The following CSPP1 variants were observed in gnomAD, a reference collection of about 807,000 sequenced individuals.
CSPP1 encodes the protein centrosome and spindle pole-associated protein 1.
In CSPP1, 126 loss-of-function variants were observed where a neutral mutation model predicts 164.4. That is an observed-to-expected ratio of 0.77 (90% confidence interval 0.66 to 0.89). The LOEUF (loss-of-function observed/expected upper bound fraction) is 0.89. Ranked by LOEUF, CSPP1 falls within the 40% of genes least tolerant of loss-of-function variation. The pLI, the probability that CSPP1 is intolerant of heterozygous loss-of-function variation, is 0.00. For missense variants in CSPP1, 1,395 were observed against 1,449.8 expected (o/e 0.96, Z 0.61); for synonymous variants, 472 against 476.7 (o/e 0.99, Z 0.13).
intron 24 of CSPP1, 146 bp downstream of exon 24, chr8:67,164,654 G>A (rs1293599363): frequency 5.7e-6 from 3 of 521,954 alleles, no homozygotes; most frequent in East Asian, 5.6e-5. Context: ...TACAAAATCA[G>A]CTGTAGAAAT....
intron 25 of CSPP1, chr8:67,172,771 C>T: frequency 2.1e-6 from 1 of 468,408 alleles, no homozygotes; most frequent in South Asian, 3.7e-5. Context: ...TTTTGGAGAG[C>T]ATACAGTGTT....
Position 67,074,285 on chromosome 8 carries a change from G to A in CSPP1, c.33G>A (p.Glu11=), listed in dbSNP as rs1327593032. 4 of 1,610,820 alleles carry A rather than the reference G, an allele frequency of 2.5e-6. No individual in the cohort carries two copies. In the Admixed American group the frequency reaches 6.7e-5, roughly 27 times the overall value. Residue 11 remains glutamate, a synonymous_variant, in exon 2 of 31, where the codon GAG becomes GAA. Transcript: ENST00000678616. ...ATAATTTGGATGAATTTATTGAAGAGCAAAAAGCCAGATTGGCCGAAGACA... is the reference window on the plus strand; with the variant it reads ...ATAATTTGGATGAATTTATTGAAGAACAAAAAGCCAGATTGGCCGAAGACA... The part of the protein sequence containing the change: MADNLDEFIE[E]QKARLAEDKA...
chr8:67,113,873 C>A lies in CSPP1; in HGVS notation c.1245+11C>A. The A allele has an allele frequency of 6.5e-7, 1 of 1,534,470 alleles. No homozygotes were observed. Among genetic ancestry groups the A allele is most frequent in the Non-Finnish European group, 9.0e-7 (1 of 1,115,394 alleles). ...GACCCTGAGAAATCGGTAAGGGTTT[C>A]TGGCATCTTTTAATGTTTAATCTTT... On this transcript the variant is annotated intron_variant, in intron 11 of 30. Coordinates refer to ENST00000678616, the MANE Select transcript of CSPP1 (RefSeq NM_001382391.1).
intron 29 of CSPP1, among the ~76,000 whole-genome samples, chr8:67,191,572 G>C (rs1051545256): frequency 6.6e-6 from 1 of 152,156 alleles, no homozygotes; most frequent in African/African-American, 2.4e-5. Flanking sequence ...TTCTTTTGAA[G>C]GTCATTCATG....
chr8:67,145,848 T>C (rs1335927591), intron 17 of CSPP1, among the ~76,000 whole-genome samples: 1 of 152,088 alleles, frequency 6.6e-6, no homozygotes, highest in Non-Finnish European at 1.5e-5. Flanking sequence ...TTAATGTCGA[T>C]GCTTAGACTA....
chr8:67,154,951 A>T (rs1315549528), intron 19 of CSPP1, among the ~76,000 whole-genome samples: 3 of 152,256 alleles, frequency 2.0e-5, no homozygotes, highest in Non-Finnish European at 1.5e-5. Flanking sequence ...ATATTATTAC[A>T]GATTGTAAAT....
intron 3 of CSPP1, among the ~76,000 whole-genome samples, chr8:67,079,578 C>A (rs932476367): frequency 6.6e-6 from 1 of 152,130 alleles, no homozygotes; most frequent in Non-Finnish European, 1.5e-5. Context: ...TACAGTCTAG[C>A]CCCGTGTATC....
intron 24 of CSPP1, among the ~76,000 whole-genome samples, chr8:67,167,757 C>T (rs1221918734): frequency 6.6e-6 from 1 of 151,722 alleles, no homozygotes; most frequent in Non-Finnish European, 1.5e-5. Flanking sequence ...GGCAGAGACG[C>T]TCCTCACTTC....
At chr8:67,190,532 T>G (rs1385332315) in intron 28 of CSPP1, 118 bp from the exon 29 acceptor site, 1 of 716,424 alleles carries the variant, frequency 1.4e-6, no homozygotes. Flanking sequence ...TGTACATACA[T>G]TGAGTGTGTT....
At chr8:67,171,826 G>A (rs886166331) in intron 24 of CSPP1, among the ~76,000 whole-genome samples, 1 of 151,426 alleles carries the variant, frequency 6.6e-6, no homozygotes, top group Admixed American at 6.6e-5. Context: ...GGGATTACAG[G>A]TGTGAGCCAC....
intron 28 of CSPP1, among the ~76,000 whole-genome samples, chr8:67,182,366 GTT>G (rs1833272735): frequency 6.6e-6 from 1 of 151,606 alleles, no homozygotes; most frequent in Non-Finnish European, 1.5e-5. Context: ...TGTGTACCAC[GTT>G]TTGTTTATCC....
intron 1 of CSPP1, among the ~76,000 whole-genome samples, chr8:67,067,168 C>T (rs1261340377): frequency 6.6e-6 from 1 of 152,184 alleles, no homozygotes; most frequent in East Asian, 1.9e-4. Flanking sequence ...TACTCCACTC[C>T]TTGAGAGGGA....
intron 17 of CSPP1, among the ~76,000 whole-genome samples, chr8:67,143,450 ATTAC>A (rs1563668136): frequency 1.3e-5 from 2 of 152,006 alleles, no homozygotes; most frequent in African/African-American, 2.4e-5. Context: ...TACTATTACT[ATTAC>A]TTTGTCATGT....
At chr8:67,169,799 A>AG (rs1248314298) in intron 24 of CSPP1, among the ~76,000 whole-genome samples, 2 of 151,324 alleles carry the variant, frequency 1.3e-5, no homozygotes, top group Non-Finnish European at 2.9e-5. Context: ...CCTAGGCTGG[A>AG]GTGCAGTGGC....
At chr8:67,134,634 A>T (rs1403848233) in intron 16 of CSPP1, 1 of 142,440 alleles carries the variant, frequency 7.0e-6, no homozygotes, top group Non-Finnish European at 1.5e-5. Flanking sequence ...ATCTTAGCTC[A>T]CTGCAAGCTC....
chr8:67,104,208 A>T (rs923913631), intron 8 of CSPP1, among the ~76,000 whole-genome samples: 1 of 151,668 alleles, frequency 6.6e-6, no homozygotes, highest in South Asian at 2.1e-4. Flanking sequence ...GTTCTAATTG[A>T]TTAAGTTTCC....
intron 4 of CSPP1, chr8:67,086,371 T>C (rs1303023823): frequency 1.1e-5 from 5 of 470,976 alleles, no homozygotes; most frequent in Non-Finnish European, 2.0e-5. Flanking sequence ...TCGTTAATTA[T>C]GGTTTTTCAT....
chr8:67,140,471 T>A (rs548369373), intron 17 of CSPP1, among the ~76,000 whole-genome samples: 2 of 152,322 alleles, frequency 1.3e-5, no homozygotes, highest in African/African-American at 4.8e-5. Flanking sequence ...CTCACAGTTT[T>A]GAAAGAGTGA....
chr8:67,177,700 AGTGCT>A lies in CSPP1; in HGVS notation c.3131_3135del (p.Ser1044LysfsTer11). 6.2e-7 allele frequency: 1 copy of A among 1,612,224 alleles called. No homozygotes were observed. The highest frequency in any genetic ancestry group is 8.5e-7 in the Non-Finnish European group (1 of 1,178,584). On this transcript the variant is annotated frameshift_variant, in exon 27 of 31. Transcript: ENST00000678616. LOFTEE classifies it high-confidence loss of function. ...TACAGTTGACTTAGATGCCATCCCA[AGTGCT>A]AAAGTACGAGAGCAAAGAATGGTAA...
Sources: gnomAD v4.1 joint callset for allele counts (sites outside exome capture counted in the v4.1 genomes callset) on GRCh38, gnomAD v4.1.1 for gene constraint, MANE v1.5 for transcripts, NCBI Gene and HGNC (gene_info 2026-07-23, HGNC 2026-07-21) for gene names.